SPAG17: variants seen among roughly 807,000 people sequenced by gnomAD.
SPAG17 encodes the protein sperm-associated antigen 17.
A neutral mutation model predicts 273.6 loss-of-function variants in SPAG17; 169 were observed. That is an observed-to-expected ratio of 0.62 (90% CI 0.55 to 0.70). SPAG17 has a LOEUF of 0.70. SPAG17 is among the 30% of genes least tolerant of loss of function. SPAG17 has a pLI of 0.00. For synonymous variants in SPAG17, 825 were observed against 873.2 expected (o/e 0.94, Z 0.97); for missense variants, 2,557 against 2,627.8 (o/e 0.97, Z 0.59).
intron 28 of SPAG17, among the ~76,000 whole-genome samples, chr1:118,020,984 G>A (rs1330568097): frequency 6.6e-6 from 1 of 152,132 alleles, no homozygotes; most frequent in Non-Finnish European, 1.5e-5. Context: ...GCAGAGTTGA[G>A]TAGTTGTGAC....
Position 118,115,294 on chromosome 1 carries a change from C to A in SPAG17, c.447+16G>T, listed in dbSNP as rs1489910628. Reference sequence around the variant, plus strand: ...CCACTTGCCCTCTTTAGAAAACCCACCAGATCGTACAGTACCTTCTTTTCA... The same window carrying A: ...CCACTTGCCCTCTTTAGAAAACCCAACAGATCGTACAGTACCTTCTTTTCA... On this transcript the variant is annotated intron_variant, in intron 4 of 48. Transcript: ENST00000336338. 1 of 1,611,066 alleles carries A rather than the reference C, an allele frequency of 6.2e-7. No homozygotes were observed. The highest frequency in any genetic ancestry group is 1.3e-5 in the African/African-American group (1 of 74,844).
chr1:118,139,252 C>A (rs1231685194), intron 3 of SPAG17, among the ~76,000 whole-genome samples: 2 of 152,086 alleles, frequency 1.3e-5, no homozygotes, highest in Non-Finnish European at 2.9e-5. Flanking sequence ...CAAATTAAAA[C>A]CATAATGTGG....
intron 12 of SPAG17, among the ~76,000 whole-genome samples, 154 bp from the exon 13 acceptor site, chr1:118,086,226 C>T (rs1382510873): frequency 6.6e-5 from 10 of 152,166 alleles, no homozygotes; most frequent in African/African-American, 2.4e-4. Context: ...TGGGATTTTG[C>T]TGAAGGTCAA....
rs771471551 is a variant in SPAG17 at position 118,091,707 on chromosome 1, T to C, written c.1258A>G (p.Ile420Val). 3 of 1,587,892 alleles carry C rather than the reference T, an allele frequency of 1.9e-6. No homozygotes were observed. The highest frequency in any genetic ancestry group is 2.6e-6 in the Non-Finnish European group (3 of 1,156,810). The change falls in exon 10 of 49, where the codon ATC becomes GTC. Residue 420 changes from isoleucine to valine, a missense_variant. Ile to Val is a conservative substitution (Grantham distance 29). Transcript: ENST00000336338. ...PQAPPPVTSVITTEVDMRYYN... is the reference protein window; with the variant it reads ...PQAPPPVTSVVTTEVDMRYYN... ...TATCTCATGTCTACTTCAGTTGTGA[T>C]GACTGAAGTCACTGTAAAATATAGA...
At chr1:118,147,166 G>A (rs1050617043) in intron 3 of SPAG17, among the ~76,000 whole-genome samples, 10 of 152,062 alleles carry the variant, frequency 6.6e-5, no homozygotes, top group Non-Finnish European at 1.2e-4. Context: ...AGCTTCCTGA[G>A]GTTAGAGTCT....
intron 38 of SPAG17, 64 bp downstream of exon 38, chr1:117,990,797 G>A (rs560330352): frequency 7.6e-6 from 8 of 1,048,642 alleles, no homozygotes; most frequent in African/African-American, 1.6e-5. Context: ...ACCGATAAGT[G>A]TATTTAAGAT....
chr1:117,959,912 A>G (rs1652803000), intron 48 of SPAG17: 1 of 152,720 alleles, frequency 6.5e-6, no homozygotes, highest in Non-Finnish European at 1.5e-5. Context: ...ATGCAGTGTC[A>G]TGGATCTTAG....
chr1:117,975,298 C>G (rs1655014941), intron 43 of SPAG17, among the ~76,000 whole-genome samples: 1 of 152,194 alleles, frequency 6.6e-6, no homozygotes, highest in Non-Finnish European at 1.5e-5. Context: ...TGCCCCTGGG[C>G]TAGCACCACA....
intron 42 of SPAG17, among the ~76,000 whole-genome samples, chr1:117,982,735 G>A (rs1352723636): frequency 1.3e-5 from 2 of 152,130 alleles, no homozygotes; most frequent in East Asian, 3.9e-4. Flanking sequence ...TCAAACTTGT[G>A]CAGTTTCTCC....
At chr1:118,154,825 T>G (rs1412191769) in intron 1 of SPAG17, among the ~76,000 whole-genome samples, 1 of 152,100 alleles carries the variant, frequency 6.6e-6, no homozygotes, top group African/African-American at 2.4e-5. Flanking sequence ...AGGCTACTAA[T>G]TACATCCAAA....
rs190123797 is a variant in SPAG17 at position 118,027,845 on chromosome 1, C to T, written c.3730+429G>A. The stretch of plus-strand genomic sequence containing the variant: ...ACATCTATCTCTATGTACTTTGTGT[C>T]CAGTGTCATTTGTTTTGGTCAGACC... On this transcript the variant is annotated intron_variant, in intron 26 of 48. Transcript: ENST00000336338. Among the ~76,000 whole-genome samples, 907 of 152,242 alleles carry T rather than the reference C, an allele frequency of 6.0e-3. 7 individuals are homozygous for T. The highest frequency in any genetic ancestry group is 0.01 in the Non-Finnish European group (694 of 68,008).
At position 118,010,279 on chromosome 1, in the gene SPAG17, CGT is replaced by C. The variant is rs1372573798; in HGVS notation, c.4432+1947_4432+1948del. Reference sequence around the variant, plus strand: ...TACAAAGAACAAAGCTGGAGGCAACCGTAACCGTGCTACTCAACTATAAGCTA... The same window carrying C: ...TACAAAGAACAAAGCTGGAGGCAACCAACCGTGCTACTCAACTATAAGCTA... On this transcript the variant is annotated intron_variant, in intron 30 of 48. Transcript: ENST00000336338. Among the ~76,000 whole-genome samples the C allele has an allele frequency of 4.9e-3, 645 of 132,956 alleles. 4 individuals are homozygous for C. The highest frequency in any genetic ancestry group is 0.016 in the African/African-American group (613 of 37,538). 87.2% of individuals were successfully genotyped at this position (132,956 alleles called of 152,430 possible). A position where few individuals can be genotyped will look rare whatever the true frequency, so the allele number is the denominator to read the frequency against.
At chr1:118,000,994 C>T (rs986003760) in intron 32 of SPAG17, among the ~76,000 whole-genome samples, 2 of 152,064 alleles carry the variant, frequency 1.3e-5, no homozygotes, top group African/African-American at 4.8e-5. Flanking sequence ...GAGATACGTT[C>T]CATTGATACC....
intron 20 of SPAG17, among the ~76,000 whole-genome samples, chr1:118,052,268 G>C (rs1651144387): frequency 6.6e-6 from 1 of 151,128 alleles, no homozygotes; most frequent in East Asian, 1.9e-4. Flanking sequence ...TAAGCCTGGG[G>C]GACATGACAT....
intron 21 of SPAG17, among the ~76,000 whole-genome samples, chr1:118,041,515 A>G (rs1026540841): frequency 6.6e-6 from 1 of 151,992 alleles, no homozygotes; most frequent in African/African-American, 2.4e-5. Context: ...ACTTATTTAC[A>G]TATATCTATA....
In SPAG17 at chr1:118,081,024, C is replaced by T. The variant is rs953092798; in HGVS notation, c.2209+77G>A. On this transcript the variant is annotated intron_variant, in intron 15 of 48. Transcript: ENST00000336338. ...TTAAATTCAAATAATGCATCTTAAA[C>T]ATTTTTTGATTTATGTGTACTATAA... 21 of 1,164,652 alleles carry T rather than the reference C, an allele frequency of 1.8e-5. No homozygotes were observed. In the African/African-American group the frequency reaches 3.2e-4, roughly 18 times the overall value. The allele number at this position is 1,164,652 out of a possible 1,614,324, so 72.1% of individuals were successfully genotyped here.
intron 3 of SPAG17, among the ~76,000 whole-genome samples, chr1:118,148,407 G>T (rs913180726): frequency 6.6e-6 from 1 of 152,190 alleles, no homozygotes; most frequent in Admixed American, 6.5e-5. Flanking sequence ...CTGCTGCAAG[G>T]TGCTAGCTCA....
In SPAG17 at chr1:117,956,244, G is replaced by C. The variant is rs566184283; in HGVS notation, c.*1-2195C>G. On this transcript the variant is annotated intron_variant, in intron 48 of 48. Transcript: ENST00000336338. ...GTAATCCCAACATTTTGGGACACTT[G>C]AGACCAAAAGTTTGAGACCAGCCTG... 2.6e-5 allele frequency among the ~76,000 whole-genome samples: 4 copies of C among 152,222 alleles called. No homozygotes were observed. In the East Asian group the frequency reaches 7.7e-4, roughly 29 times the overall value.
At chr1:118,033,557 C>T (rs1352797199) in intron 24 of SPAG17, among the ~76,000 whole-genome samples, 1 of 152,138 alleles carries the variant, frequency 6.6e-6, no homozygotes, top group Admixed American at 6.5e-5. Flanking sequence ...ACTTCCAATA[C>T]CACCACTTCA....
Sources: allele counts gnomAD v4.1 joint callset (sites outside exome capture counted in the v4.1 genomes callset), GRCh38; gene constraint gnomAD v4.1.1; transcripts MANE v1.5; gene names NCBI Gene and HGNC (gene_info 2026-07-23, HGNC 2026-07-21).